Variants in EXOC1L observed in about 807,000 individuals in gnomAD.
EXOC1L encodes the protein exocyst complex component 1 like, also known as exocyst complex component 1-like.
Under a neutral mutation model 4.9 loss-of-function variants are expected in EXOC1L, and 10 were observed. The observed-to-expected ratio is 2.02, with a 90% CI of 1.25 to 3.43. EXOC1L has a LOEUF of 3.43. EXOC1L is among the 30% of genes most tolerant of loss of function. The pLI, the probability that EXOC1L is intolerant of heterozygous loss-of-function variation, is 0.00. For missense variants in EXOC1L, 114 were observed against 59.4 expected (o/e 1.92, Z -3.02); for synonymous variants, 41 against 20.8 (o/e 1.97, Z -2.63).
intron 1 of EXOC1L, among the ~76,000 whole-genome samples, chr4:55,823,499 GT>G (rs1719798334): frequency 6.6e-6 from 1 of 152,070 alleles, no homozygotes; most frequent in South Asian, 2.1e-4. Context: ...AATACATAGT[GT>G]TTTGAAGAAT....
At chr4:55,823,218 A>G (rs773572486) in intron 1 of EXOC1L, among the ~76,000 whole-genome samples, 8 of 152,108 alleles carry the variant, frequency 5.3e-5, no homozygotes, top group Non-Finnish European at 1.2e-4. Flanking sequence ...TTCTCTGTGA[A>G]TCAAAGAATC....
intron 1 of EXOC1L, among the ~76,000 whole-genome samples, chr4:55,824,612 C>CA (rs1390296944): frequency 2.0e-5 from 3 of 152,158 alleles, no homozygotes; most frequent in Non-Finnish European, 4.4e-5. Flanking sequence ...CATCCTGCCT[C>CA]AGCCTCCCAA....
chr4:55,836,935 G>C, intron 2 of EXOC1L, 150 bp from the exon 3 acceptor site: 1 of 470,622 alleles, frequency 2.1e-6, no homozygotes, highest in Non-Finnish European at 3.8e-6. Context: ...GAAGTAGGTA[G>C]CTTTGGAAAG....
At chr4:55,836,136 A>G (rs533727240) in intron 2 of EXOC1L, among the ~76,000 whole-genome samples, 2 of 151,974 alleles carry the variant, frequency 1.3e-5, no homozygotes, top group East Asian at 3.9e-4. Flanking sequence ...CCTGTATGTG[A>G]TGTTACATAC....
intron 1 of EXOC1L, among the ~76,000 whole-genome samples, chr4:55,825,097 TAAG>T (rs1719847440): frequency 6.6e-6 from 1 of 152,220 alleles, no homozygotes; most frequent in Admixed American, 6.5e-5. Flanking sequence ...GGGATAGCTG[TAAG>T]GCATGCCTGC....
rs138990217 is a variant in EXOC1L at position 55,831,665 on chromosome 4, A to G, written c.252+201A>G. Among the ~76,000 whole-genome samples, 1,243 of 152,160 alleles carry G rather than the reference A, an allele frequency of 8.2e-3. 25 individuals carry two copies. The highest frequency in any genetic ancestry group is 0.028 in the African/African-American group (1,163 of 41,526). Reference sequence around the variant, plus strand: ...ATGAGTTTCAAGTGAAATTTTGTCTATTAAATTTAAAAGCACCTTTCCCAA... The same window carrying G: ...ATGAGTTTCAAGTGAAATTTTGTCTGTTAAATTTAAAAGCACCTTTCCCAA... On this transcript the variant is annotated intron_variant, in intron 2 of 2. Transcript: ENST00000636125.
At chr4:55,822,673 C>T (rs1033620270) in intron 1 of EXOC1L, among the ~76,000 whole-genome samples, 1 of 152,114 alleles carries the variant, frequency 6.6e-6, no homozygotes, top group Non-Finnish European at 1.5e-5. Flanking sequence ...GGTGTGAAAC[C>T]TGGTGCTGCT....
At chr4:55,829,781 C>T (rs774293264) in intron 1 of EXOC1L, among the ~76,000 whole-genome samples, 3 of 152,132 alleles carry the variant, frequency 2.0e-5, no homozygotes, top group Non-Finnish European at 4.4e-5. Context: ...ATTCTAGAGC[C>T]CTTACTATAG....
chr4:55,821,765 C>A (rs916250832), intron 1 of EXOC1L, among the ~76,000 whole-genome samples: 4 of 152,138 alleles, frequency 2.6e-5, no homozygotes, highest in Non-Finnish European at 4.4e-5. Flanking sequence ...CAATATTGTG[C>A]TATTCTAGAT....
intron 2 of EXOC1L, among the ~76,000 whole-genome samples, chr4:55,835,173 G>A (rs946509386): frequency 1.3e-5 from 2 of 150,924 alleles, no homozygotes; most frequent in Non-Finnish European, 3.0e-5. Context: ...CCTTTTTATG[G>A]CTGAGTAGTA....
At chr4:55,832,234 C>A (rs1720055281) in intron 2 of EXOC1L, among the ~76,000 whole-genome samples, 2 of 152,120 alleles carry the variant, frequency 1.3e-5, no homozygotes, top group South Asian at 4.1e-4. Flanking sequence ...AAAATTAGGT[C>A]CATGGTTTTC....
intron 1 of EXOC1L, among the ~76,000 whole-genome samples, chr4:55,824,047 T>A (rs1199706386): frequency 6.6e-6 from 1 of 152,060 alleles, no homozygotes; most frequent in Non-Finnish European, 1.5e-5. Flanking sequence ...TACATTTTAT[T>A]AAAAAATAAA....
At chr4:55,821,347 A>G (rs1469496074) in intron 1 of EXOC1L, among the ~76,000 whole-genome samples, 2 of 152,178 alleles carry the variant, frequency 1.3e-5, no homozygotes, top group Non-Finnish European at 2.9e-5. Context: ...TAGAAAGTCA[A>G]TTAAAAACAA....
chr4:55,826,542 G>A (rs531359865), intron 1 of EXOC1L, among the ~76,000 whole-genome samples: 49 of 152,298 alleles, frequency 3.2e-4, no homozygotes, highest in African/African-American at 1.2e-3. Flanking sequence ...ATTAAAACTG[G>A]AACAGATTAA....
intron 2 of EXOC1L, among the ~76,000 whole-genome samples, chr4:55,836,794 T>A (rs1720175942): frequency 6.6e-6 from 1 of 151,912 alleles, no homozygotes. Flanking sequence ...CTACTCATCC[T>A]CTCCAATTCA....
chr4:55,823,001 AAATT>A (rs1236576081), intron 1 of EXOC1L, among the ~76,000 whole-genome samples: 6 of 150,998 alleles, frequency 4.0e-5, no homozygotes, highest in Non-Finnish European at 8.8e-5. Flanking sequence ...ATTTAATATA[AAATT>A]AAAAATTGAT....
Position 55,819,996 on chromosome 4 carries a change from C to A in EXOC1L, c.-31C>A, listed in dbSNP as rs746775055. The A allele has an allele frequency of 2.5e-6, 1 of 398,912 alleles. No individual in the cohort carries two copies. The highest frequency in any genetic ancestry group is 3.6e-5 in the East Asian group (1 of 28,046). The allele number at this position is 398,912 out of a possible 1,614,324, so 24.7% of individuals were successfully genotyped here. A position where few individuals can be genotyped will look rare whatever the true frequency, so the allele number is the denominator to read the frequency against. ...AGGAGAGGAAAGAGTGAGCTTGAGC[C>A]AAGACATCAGGCCAAGTGGAACTGG... On this transcript the variant is annotated 5_prime_UTR_variant, in exon 1 of 3. Transcript: ENST00000636125.
At chr4:55,829,034 C>A (rs976854584) in intron 1 of EXOC1L, among the ~76,000 whole-genome samples, 11 of 152,146 alleles carry the variant, frequency 7.2e-5, no homozygotes, top group Admixed American at 2.6e-4. Context: ...TTCCACCCAA[C>A]CAACTCACCC....
chr4:55,835,270 G>T (rs1720131575), intron 2 of EXOC1L, among the ~76,000 whole-genome samples: 1 of 151,226 alleles, frequency 6.6e-6, no homozygotes, highest in Admixed American at 6.6e-5. Flanking sequence ...TGGGCATTTG[G>T]GCTGGTTCCA....
Sources: gnomAD v4.1 joint callset for allele counts (sites outside exome capture counted in the v4.1 genomes callset) on GRCh38, gnomAD v4.1.1 for gene constraint, MANE v1.5 for transcripts, NCBI Gene and HGNC (gene_info 2026-07-23, HGNC 2026-07-21) for gene names.